The following LRRTM3 variants were observed in gnomAD, a reference collection of about 807,000 sequenced individuals.
LRRTM3 encodes leucine rich repeat transmembrane neuronal 3.
A neutral mutation model predicts 44.7 loss-of-function variants in LRRTM3; 24 were observed. The ratio of observed to expected loss-of-function variants is 0.54; its 90% CI spans 0.39 to 0.76. The LOEUF is 0.76. Ranked by LOEUF, LRRTM3 falls within the 30% of genes least tolerant of loss-of-function variation. The probability of loss-of-function intolerance (pLI) is 0.00; values close to 1 mark genes in which losing one functional copy is unlikely to be tolerated. For missense variants in LRRTM3, 587 were observed against 702.2 expected, an observed-to-expected ratio of 0.84 and a Z score of 1.85; for synonymous variants, 277 against 278.7, an observed-to-expected ratio of 0.99 and a Z score of 0.06.
intron 2 of LRRTM3, among the ~76,000 whole-genome samples, chr10:67,034,990 G>A (rs967611863): frequency 3.3e-5 from 5 of 152,126 alleles, no homozygotes; most frequent in Admixed American, 6.5e-5. Context: ...GGAAGGCCCC[G>A]TTCAGAAATC....
intron 2 of LRRTM3, among the ~76,000 whole-genome samples, chr10:66,997,610 G>A (rs1851429359): frequency 1.3e-5 from 2 of 152,222 alleles, no homozygotes; most frequent in South Asian, 2.1e-4. Context: ...TAAATTCAGG[G>A]TTCTGGATGT....
chr10:67,005,682 C>CTTTTT lies in LRRTM3; in HGVS notation c.1536+77247_1536+77251dup, dbSNP rs11369576. Reference sequence around the variant, plus strand: ...AATGCTTTTGTTTATTTTACTCCATCTTTTTTTTTTTTTTTTTTTTTGAGA... The same window carrying CTTTTT: ...AATGCTTTTGTTTATTTTACTCCATCTTTTTTTTTTTTTTTTTTTTTTTTTTGAGA... On this transcript the variant is annotated intron_variant, in intron 2 of 2. Coordinates refer to ENST00000361320, the MANE Select transcript of LRRTM3 (RefSeq NM_178011.5). Among the ~76,000 whole-genome samples, 5 of 61,982 alleles carry CTTTTT rather than the reference C, an allele frequency of 8.1e-5. 1 individual carries two copies. The highest frequency in any genetic ancestry group is 6.6e-4 in the Admixed American group (2 of 3,052). 40.7% of individuals were successfully genotyped at this position (61,982 alleles called of 152,430 possible).
chr10:67,039,546 T>G (rs1217507588), intron 2 of LRRTM3, among the ~76,000 whole-genome samples: 2 of 152,168 alleles, frequency 1.3e-5, no homozygotes, highest in Non-Finnish European at 2.9e-5. Flanking sequence ...GGAGAGTTGT[T>G]GATACTTTTT....
chr10:66,944,332 T>C (rs184981010), intron 2 of LRRTM3, among the ~76,000 whole-genome samples: 53 of 152,308 alleles, frequency 3.5e-4, no homozygotes, highest in Non-Finnish European at 5.1e-4. Flanking sequence ...TCCTCATCCA[T>C]TCAAGTTTGA....
intron 2 of LRRTM3, among the ~76,000 whole-genome samples, chr10:67,083,660 C>A (rs1483995368): frequency 6.6e-6 from 1 of 152,116 alleles, no homozygotes; most frequent in Non-Finnish European, 1.5e-5. Context: ...TATTAAGCAA[C>A]CATGTGGCTT....
At chr10:67,046,517 A>G (rs1008016543) in intron 2 of LRRTM3, among the ~76,000 whole-genome samples, 3 of 152,238 alleles carry the variant, frequency 2.0e-5, no homozygotes, top group African/African-American at 7.2e-5. Flanking sequence ...TCCTGGAAAG[A>G]AAAGGAATCT....
chr10:66,990,409 A>G (rs1850979736), intron 2 of LRRTM3, among the ~76,000 whole-genome samples: 1 of 152,186 alleles, frequency 6.6e-6, no homozygotes, highest in Non-Finnish European at 1.5e-5. Flanking sequence ...CAGAGGTTCA[A>G]CCCACCCATT....
chr10:66,990,965 G>C (rs1004362539), intron 2 of LRRTM3, among the ~76,000 whole-genome samples: 2 of 152,126 alleles, frequency 1.3e-5, no homozygotes, highest in African/African-American at 4.8e-5. Context: ...AACAGTTTTT[G>C]AGTAATCATG....
chr10:67,012,702 TC>T (rs2133043939), intron 2 of LRRTM3, among the ~76,000 whole-genome samples: 1 of 152,234 alleles, frequency 6.6e-6, no homozygotes, highest in South Asian at 2.1e-4. Context: ...ACAAATGTAA[TC>T]ACGTCTTTGA....
chr10:67,000,036 T>G (rs564758692), intron 2 of LRRTM3, among the ~76,000 whole-genome samples: 3 of 152,158 alleles, frequency 2.0e-5, no homozygotes, highest in Non-Finnish European at 4.4e-5. Context: ...TTTTCACAAT[T>G]AAAACTACTG....
chr10:66,933,817 C>T (rs985138684), intron 2 of LRRTM3, among the ~76,000 whole-genome samples: 4 of 152,108 alleles, frequency 2.6e-5, no homozygotes, highest in Admixed American at 6.6e-5. Flanking sequence ...AGGCTTCCTC[C>T]GCTGGATGTA....
chr10:67,093,329 T>C (rs1857770684), intron 2 of LRRTM3, among the ~76,000 whole-genome samples: 1 of 151,968 alleles, frequency 6.6e-6, no homozygotes, highest in Non-Finnish European at 1.5e-5. Flanking sequence ...TCAGGTAGGT[T>C]GACTAAGTCA....
chr10:66,971,410 G>A (rs1849718285), intron 2 of LRRTM3, among the ~76,000 whole-genome samples: 2 of 125,784 alleles, frequency 1.6e-5, no homozygotes, highest in South Asian at 6.3e-4. Flanking sequence ...CTGGGCAACA[G>A]AGAGAGACTC....
At chr10:66,967,491 G>A (rs557979159) in intron 2 of LRRTM3, among the ~76,000 whole-genome samples, 2 of 151,796 alleles carry the variant, frequency 1.3e-5, no homozygotes, top group South Asian at 4.2e-4. Flanking sequence ...TAACTGCATT[G>A]GAAAATGACA....
At chr10:67,058,885 T>C (rs2147886) in intron 2 of LRRTM3, among the ~76,000 whole-genome samples, 97,836 of 151,990 alleles carry the variant, frequency 0.64, 33,098 homozygotes, top group African/African-American at 0.86. Flanking sequence ...ATACTTAGTA[T>C]GACTACACCT....
At chr10:67,081,142 A>G (rs2131880067) in intron 2 of LRRTM3, among the ~76,000 whole-genome samples, 1 of 152,328 alleles carries the variant, frequency 6.6e-6, no homozygotes, top group South Asian at 2.1e-4. Context: ...CAGAGCTTAT[A>G]CATTTTTGAG....
chr10:66,926,179 T>C lies in LRRTM3; in HGVS notation c.-405T>C, dbSNP rs1303052622. On this transcript the variant is annotated 5_prime_UTR_variant, in exon 1 of 3. Transcript: ENST00000361320. ...TCACGGGAACTGCTGGGGTATGGAA[T>C]ACAGATGTGGCAGCTCAGGTAGCCC... 1.1e-5 allele frequency: 5 copies of C among 463,828 alleles called. No individual in the cohort carries two copies. In the East Asian group the frequency reaches 2.0e-4, roughly 19 times the overall value. The allele number at this position is 463,828 out of a possible 1,614,324, so 28.7% of individuals were successfully genotyped here.
intron 2 of LRRTM3, among the ~76,000 whole-genome samples, chr10:66,959,265 A>G (rs1300393084): frequency 1.3e-5 from 2 of 152,142 alleles, no homozygotes; most frequent in Non-Finnish European, 2.9e-5. Context: ...CCAAATCTTC[A>G]GTGATAATGG....
chr10:67,073,172 C>T (rs1479890189), intron 2 of LRRTM3, among the ~76,000 whole-genome samples: 1 of 152,116 alleles, frequency 6.6e-6, no homozygotes, highest in Non-Finnish European at 1.5e-5. Context: ...TTCCACAGCT[C>T]TAGGAACTAT....
Sources: allele counts gnomAD v4.1 joint callset (sites outside exome capture counted in the v4.1 genomes callset), GRCh38; gene constraint gnomAD v4.1.1; transcripts MANE v1.5; gene names NCBI Gene and HGNC (gene_info 2026-07-23, HGNC 2026-07-21).